CDH13: variants seen among roughly 807,000 people sequenced by gnomAD.
The protein encoded by CDH13 is cadherin-13.
A neutral mutation model predicts 63.8 loss-of-function variants in CDH13; 24 were observed. That is an observed-to-expected ratio of 0.38 (90% CI 0.27 to 0.53). The LOEUF (loss-of-function observed/expected upper bound fraction) is 0.53. Among genes scored for constraint, CDH13 ranks in the 20% least tolerant of loss-of-function variants. CDH13 has a pLI of 0.85. For missense variants in CDH13, 1,049 were observed against 903.1 expected (o/e 1.16, Z -2.07); for synonymous variants, 503 against 355.3 (o/e 1.42, Z -4.67).
At chr16:83,758,588 A>T (rs1320672383) in intron 11 of CDH13, among the ~76,000 whole-genome samples, 1 of 152,238 alleles carries the variant, frequency 6.6e-6, no homozygotes, top group Non-Finnish European at 1.5e-5. Flanking sequence ...TACTAGGCTT[A>T]GGAATTAAAA....
At chr16:82,889,065 G>A (rs1445223063) in intron 2 of CDH13, among the ~76,000 whole-genome samples, 1 of 152,130 alleles carries the variant, frequency 6.6e-6, no homozygotes, top group East Asian at 1.9e-4. Context: ...ACTCTGTGAA[G>A]CCTTCTCTAA....
intron 2 of CDH13, among the ~76,000 whole-genome samples, chr16:82,975,711 C>G (rs145767311): frequency 7.6e-4 from 115 of 152,292 alleles, no homozygotes; most frequent in African/African-American, 2.6e-3. Context: ...CCATTGCTGA[C>G]CTTGCTCTTC....
chr16:83,428,843 C>G (rs1276375515), intron 6 of CDH13, among the ~76,000 whole-genome samples: 1 of 152,132 alleles, frequency 6.6e-6, no homozygotes, highest in Non-Finnish European at 1.5e-5. Context: ...TTCAAATCTC[C>G]CCATCTTCCA....
At chr16:82,694,943 G>A (rs1371682165) in intron 1 of CDH13, among the ~76,000 whole-genome samples, 1 of 152,136 alleles carries the variant, frequency 6.6e-6, no homozygotes, top group Non-Finnish European at 1.5e-5. Context: ...AGCCTTCTCT[G>A]ATTATATGAC....
chr16:83,792,557 C>T (rs1342585162), intron 13 of CDH13, among the ~76,000 whole-genome samples: 1 of 152,298 alleles, frequency 6.6e-6, no homozygotes, highest in Non-Finnish European at 1.5e-5. Flanking sequence ...CCTGGCAGGA[C>T]GCCACTAGTG....
chr16:83,183,654 G>T (rs9931994), intron 4 of CDH13, among the ~76,000 whole-genome samples: 1 of 152,014 alleles, frequency 6.6e-6, no homozygotes, highest in African/African-American at 2.4e-5. Flanking sequence ...CTTCCATTTC[G>T]CTCTGGATCC....
intron 7 of CDH13, among the ~76,000 whole-genome samples, chr16:83,523,068 C>G (rs558189998): frequency 1.1e-4 from 16 of 152,262 alleles, no homozygotes; most frequent in Admixed American, 9.8e-4. Context: ...TTTCTGGACC[C>G]CCGGCCTCCC....
intron 7 of CDH13, among the ~76,000 whole-genome samples, chr16:83,495,566 A>C (rs886233617): frequency 6.6e-6 from 1 of 152,228 alleles, no homozygotes; most frequent in Non-Finnish European, 1.5e-5. Flanking sequence ...GGGATTTTCT[A>C]CAAAATATAG....
intron 13 of CDH13, among the ~76,000 whole-genome samples, chr16:83,784,024 G>C (rs1357081597): frequency 6.6e-6 from 1 of 152,166 alleles, no homozygotes; most frequent in Non-Finnish European, 1.5e-5. Context: ...ATGCCAAGTA[G>C]TATAGATGTG....
intron 6 of CDH13, among the ~76,000 whole-genome samples, chr16:83,360,774 C>G (rs746174877): frequency 1.9e-4 from 29 of 152,136 alleles, no homozygotes; most frequent in Non-Finnish European, 2.9e-4. Flanking sequence ...CATGTTGCTA[C>G]AAAGGATATG....
chr16:83,374,132 A>G (rs1243204271), intron 6 of CDH13, among the ~76,000 whole-genome samples: 1 of 152,222 alleles, frequency 6.6e-6, no homozygotes, highest in African/African-American at 2.4e-5. Flanking sequence ...CTGCTGTTCC[A>G]TAAAGCAAAG....
chr16:83,322,053 A>C (rs1445523968), intron 5 of CDH13, among the ~76,000 whole-genome samples: 4 of 152,224 alleles, frequency 2.6e-5, no homozygotes, highest in Non-Finnish European at 5.9e-5. Context: ...GGCTGGCTGC[A>C]GACTGGAAGT....
chr16:83,282,786 T>C (rs1489178775), intron 5 of CDH13, among the ~76,000 whole-genome samples: 2 of 152,212 alleles, frequency 1.3e-5, no homozygotes, highest in African/African-American at 2.4e-5. Flanking sequence ...ATTGCATTGC[T>C]TCCTCATTCA....
At chr16:83,445,522 C>T (rs912506896) in intron 6 of CDH13, among the ~76,000 whole-genome samples, 1 of 152,012 alleles carries the variant, frequency 6.6e-6, no homozygotes, top group Non-Finnish European at 1.5e-5. Flanking sequence ...GATTCTGGAC[C>T]GATAGCCTCC....
intron 1 of CDH13, among the ~76,000 whole-genome samples, chr16:82,674,626 T>C (rs575524008): frequency 5.9e-5 from 9 of 152,234 alleles, no homozygotes; most frequent in Admixed American, 4.6e-4. Context: ...GGGGATTTCA[T>C]AGATGGTGGA....
intron 5 of CDH13, among the ~76,000 whole-genome samples, chr16:83,313,666 A>AAAAAAAAT (rs1555528954): frequency 2.1e-5 from 3 of 144,208 alleles, no homozygotes; most frequent in Non-Finnish European, 3.1e-5. Flanking sequence ...AAAAAAAAAA[A>AAAAAAAAT]GGGAGGTCCT....
At chr16:83,320,389 G>T (rs2090196873) in intron 5 of CDH13, among the ~76,000 whole-genome samples, 1 of 152,094 alleles carries the variant, frequency 6.6e-6, no homozygotes, top group South Asian at 2.1e-4. Context: ...AGGACTTATT[G>T]TCCCAAGACC....
At chr16:83,074,831 G>A (rs1241825954) in intron 3 of CDH13, among the ~76,000 whole-genome samples, 1 of 152,194 alleles carries the variant, frequency 6.6e-6, no homozygotes, top group Non-Finnish European at 1.5e-5. Flanking sequence ...TTTACCTCAG[G>A]TCTTCTGATT....
intron 11 of CDH13, among the ~76,000 whole-genome samples, chr16:83,757,308 T>C (rs566898644): frequency 7.2e-4 from 109 of 152,294 alleles, no homozygotes; most frequent in African/African-American, 2.4e-3. Flanking sequence ...CTGGGCACGG[T>C]GGCTCACTCC....
Sources: gnomAD v4.1 joint callset for allele counts (sites outside exome capture counted in the v4.1 genomes callset) on GRCh38, gnomAD v4.1.1 for gene constraint, MANE v1.5 for transcripts, NCBI Gene and HGNC (gene_info 2026-07-23, HGNC 2026-07-21) for gene names.